The following FAM133A variants were observed in gnomAD, a reference collection of about 807,000 sequenced individuals.
The protein encoded by FAM133A is protein FAM133A.
For synonymous variants in FAM133A, 65 were observed against 58.6 expected (o/e 1.11, Z -0.50); for missense variants, 159 against 164.4 (o/e 0.97, Z 0.18).
Position 93,709,801 on chromosome X carries a change from G to A in FAM133A, c.382G>A (p.Gly128Arg), listed in dbSNP as rs764618446. 2.5e-6 allele frequency: 3 copies of A among 1,194,008 alleles called. No homozygotes were observed. In the South Asian group the frequency reaches 5.5e-5, roughly 22 times the overall value. ...TTCTGAGGATGAGGAAAAGAAACAAGGAAAAAGGAGAAAGAAAAAGAAGAA... is the reference window on the plus strand; with the variant it reads ...TTCTGAGGATGAGGAAAAGAAACAAAGAAAAAGGAGAAAGAAAAAGAAGAA... ...SDSEDEEKKQ[G>R]KRRKKKKNRS... The change falls in exon 4 of 4, where the codon GGA (glycine) becomes AGA (arginine). Residue 128 changes from glycine (G) to arginine (R), a missense_variant. Gly to Arg is a moderately radical substitution (Grantham distance 125, BLOSUM62 -2). Coordinates refer to ENST00000683942, the MANE Select transcript of FAM133A (RefSeq NM_001171109.2).
At chrX:93,677,385 G>T (rs1602782118) in intron 2 of FAM133A, among the ~76,000 whole-genome samples, 1 of 111,378 alleles carries the variant, frequency 9.0e-6, no homozygotes, top group South Asian at 3.8e-4. Context: ...GCAAAGCATT[G>T]CAAGTTCATT....
intron 2 of FAM133A, among the ~76,000 whole-genome samples, chrX:93,684,872 AC>A (rs1256832869): frequency 5.3e-5 from 6 of 112,353 alleles, no homozygotes; most frequent in African/African-American, 1.9e-4. Context: ...TGTTTCAATT[AC>A]TACTTTTGCA....
chrX:93,709,731 T>G lies in FAM133A; in HGVS notation c.312T>G (p.Ser104=), dbSNP rs746779825. The change falls in exon 4 of 4, where the codon TCT becomes TCG. Residue 104 remains serine (S), a synonymous_variant. Coordinates refer to ENST00000683942, the MANE Select transcript of FAM133A (RefSeq NM_001171109.2). ...AGAGAAAGAAGAAATCTTGTCGGTC[T>G]TCATCTTCTTCATCAAGCTCTGATT... is the stretch of plus-strand genomic sequence containing the variant. The part of the protein sequence containing the change: ...KKKRKKKSCR[S]SSSSSSSDSS... 9 of 1,193,386 alleles carry G rather than the reference T, an allele frequency of 7.5e-6. No homozygotes were observed. The Middle Eastern group carries it at 9.2e-4, about 123-fold the overall frequency.
intron 3 of FAM133A, among the ~76,000 whole-genome samples, chrX:93,700,693 G>A (rs1358766433): frequency 2.7e-5 from 3 of 111,109 alleles, no homozygotes; most frequent in Non-Finnish European, 3.8e-5. Flanking sequence ...CTGGCCTTTG[G>A]ATTTTAAGGA....
intron 2 of FAM133A, among the ~76,000 whole-genome samples, chrX:93,696,294 C>G (rs951011394): frequency 2.7e-5 from 3 of 111,569 alleles, no homozygotes; most frequent in Admixed American, 1.9e-4. Flanking sequence ...ATAAAATCCT[C>G]TGAGGGGGCC....
intron 2 of FAM133A, among the ~76,000 whole-genome samples, chrX:93,687,701 A>G (rs1925628696): frequency 9.0e-6 from 1 of 111,249 alleles, no homozygotes; most frequent in Non-Finnish European, 1.9e-5. Context: ...TATACAATGC[A>G]TTGTCGATAA....
At chrX:93,674,357 C>G (rs1924515356) in intron 1 of FAM133A, 83 bp downstream of exon 1, 1 of 111,771 alleles carries the variant, frequency 8.9e-6, no homozygotes, top group South Asian at 3.7e-4. Flanking sequence ...TAACTTGCCA[C>G]GTAGCCCTTC....
chrX:93,675,262 C>A (rs1286306768), intron 2 of FAM133A, among the ~76,000 whole-genome samples: 1 of 111,840 alleles, frequency 8.9e-6, no homozygotes. Context: ...GCACTTCCTT[C>A]CAGAAATTTC....
At chrX:93,706,430 A>G (rs1927047679) in intron 3 of FAM133A, among the ~76,000 whole-genome samples, 1 of 111,298 alleles carries the variant, frequency 9.0e-6, no homozygotes, top group Admixed American at 9.6e-5. Context: ...TCCACTTGAA[A>G]TTTCCCTGCA....
chrX:93,677,148 G>C (rs1169837286), intron 2 of FAM133A, among the ~76,000 whole-genome samples: 9 of 110,223 alleles, frequency 8.2e-5, no homozygotes, highest in Non-Finnish European at 1.7e-4. Context: ...CAATTAACAT[G>C]ATTTTTTGGC....
intron 2 of FAM133A, among the ~76,000 whole-genome samples, chrX:93,688,868 T>C (rs1402191798): frequency 9.1e-6 from 1 of 110,081 alleles, no homozygotes. Flanking sequence ...ATAAATACTC[T>C]AAAAATTTTA....
At chrX:93,689,992 T>C (rs374629333) in intron 2 of FAM133A, among the ~76,000 whole-genome samples, 49 of 109,733 alleles carry the variant, frequency 4.5e-4, no homozygotes, top group Admixed American at 2.4e-3. Context: ...GAGTTAACTT[T>C]TGCCAGGAGT....
intron 2 of FAM133A, among the ~76,000 whole-genome samples, chrX:93,692,257 A>T (rs1416488944): frequency 2.7e-5 from 3 of 111,467 alleles, no homozygotes; most frequent in African/African-American, 9.8e-5. Flanking sequence ...AGCACTTTGG[A>T]TTTCTGATGT....
intron 2 of FAM133A, among the ~76,000 whole-genome samples, chrX:93,682,450 A>G (rs1356796156): frequency 8.9e-6 from 1 of 112,094 alleles, no homozygotes; most frequent in Non-Finnish European, 1.9e-5. Context: ...GTACACACAC[A>G]TGTTCTTTTC....
chrX:93,710,742 G>A lies in FAM133A; in HGVS notation c.*576G>A, dbSNP rs749168111. On this transcript the variant is annotated 3_prime_UTR_variant, in exon 4 of 4. Transcript: ENST00000683942. ...TCCTATTTTTGCCAGAGCAGCAGCC[G>A]TCCTTTTCTTACTTTATGAAATTCT... is the stretch of plus-strand genomic sequence containing the variant. 8.2e-6 allele frequency: 1 copy of A among 122,601 alleles called. No individual in the cohort carries two copies. Among genetic ancestry groups the A allele is most frequent in the Admixed American group, 9.6e-5 (1 of 10,379 alleles). The allele number at this position is 122,601 out of a possible 1,213,427, so 10.1% of individuals were successfully genotyped here.
chrX:93,675,170 A>C (rs1387238740), intron 2 of FAM133A, among the ~76,000 whole-genome samples: 1 of 111,920 alleles, frequency 8.9e-6, no homozygotes, highest in Non-Finnish European at 1.9e-5. Flanking sequence ...CATTGCAAAG[A>C]TAAAACAATA....
chrX:93,702,468 A>G (rs1016912755), intron 3 of FAM133A, among the ~76,000 whole-genome samples: 1 of 111,456 alleles, frequency 9.0e-6, no homozygotes, highest in Non-Finnish European at 1.9e-5. Flanking sequence ...TATAAAATTA[A>G]TACTCATGAA....
At position 93,710,428 on chromosome X, in the gene FAM133A, CA is replaced by C. The variant is rs769947198; in HGVS notation, c.*270del. 7.8e-5 allele frequency: 21 copies of C among 268,687 alleles called. No homozygotes were observed. Among genetic ancestry groups the C allele is most frequent in the South Asian group, 4.3e-4 (2 of 4,672 alleles). 22.1% of individuals were successfully genotyped at this position (268,687 alleles called of 1,213,427 possible). A position where few individuals can be genotyped will look rare whatever the true frequency, so the allele number is the denominator to read the frequency against. ...TGTGTTAGATAATGAATAACTTTGA[CA>C]AAAAAAAGTGTATCTAAGGTTAAAT... On this transcript the variant is annotated 3_prime_UTR_variant, in exon 4 of 4. Transcript: ENST00000683942.
At chrX:93,680,887 C>T (rs1051380906) in intron 2 of FAM133A, among the ~76,000 whole-genome samples, 17 of 111,582 alleles carry the variant, frequency 1.5e-4, no homozygotes, top group South Asian at 7.5e-4. Flanking sequence ...CCATTCCATA[C>T]GTTGCCTCTT....
Sources: allele counts gnomAD v4.1 joint callset (sites outside exome capture counted in the v4.1 genomes callset), GRCh38; gene constraint gnomAD v4.1.1; transcripts MANE v1.5; gene names NCBI Gene and HGNC (gene_info 2026-07-23, HGNC 2026-07-21).